The following RPTOR variants were observed in gnomAD, a reference collection of about 807,000 sequenced individuals.
RPTOR encodes regulatory associated protein of MTOR complex 1.
In RPTOR, 21 loss-of-function variants were observed where a neutral mutation model predicts 169.9. The ratio of observed to expected loss-of-function variants is 0.12; its 90% confidence interval spans 0.09 to 0.18. The LOEUF (loss-of-function observed/expected upper bound fraction) is 0.18. RPTOR is among the 10% of genes least tolerant of loss of function. The pLI is 1.00. For synonymous variants in RPTOR, 732 were observed against 753.2 expected (o/e 0.97, Z 0.46); for missense variants, 1,133 against 1,855.9 (o/e 0.61, Z 7.16).
intron 3 of RPTOR, among the ~76,000 whole-genome samples, chr17:80,704,481 C>T (rs2066127556): frequency 6.6e-6 from 1 of 152,166 alleles, no homozygotes; most frequent in Non-Finnish European, 1.5e-5. Flanking sequence ...CAGAGAATCT[C>T]AGATAGCAAA....
chr17:80,819,965 C>T (rs951385163), intron 7 of RPTOR, among the ~76,000 whole-genome samples: 1 of 152,162 alleles, frequency 6.6e-6, no homozygotes, highest in Non-Finnish European at 1.5e-5. Context: ...TGGTGTTGGG[C>T]CCCACCCTGC....
At position 80,707,918 on chromosome 17, in the gene RPTOR, G is replaced by A. The variant is rs898097735; in HGVS notation, c.426G>A (p.Lys142=). The A allele has an allele frequency of 1.2e-6, 2 of 1,613,932 alleles. No homozygotes were observed. Among genetic ancestry groups the A allele is most frequent in the Non-Finnish European group, 1.7e-6 (2 of 1,179,988 alleles). Residue 142 remains lysine, a synonymous_variant, in exon 4 of 34, where the codon AAG becomes AAA. Transcript: ENST00000306801. The surrounding 1 kb of genome is among the most constrained non-coding windows in gnomAD (Gnocchi z 5.0). ...GCACGTCCTTACGTCGCAACGCCAAGGAGGAGCGAGTCCTCTTTCACTACA... is the reference window on the plus strand; with the variant it reads ...GCACGTCCTTACGTCGCAACGCCAAAGAGGAGCGAGTCCTCTTTCACTACA... ...KLCTSLRRNA[K]EERVLFHYNG...
chr17:80,949,804 T>C (rs536784112), intron 28 of RPTOR, among the ~76,000 whole-genome samples: 55 of 152,350 alleles, frequency 3.6e-4, no homozygotes, highest in African/African-American at 1.3e-3. Flanking sequence ...CCAACCTTCA[T>C]CCTTGGCTTG....
At chr17:80,894,338 G>C (rs897056139) in intron 20 of RPTOR, among the ~76,000 whole-genome samples, 1 of 152,238 alleles carries the variant, frequency 6.6e-6, no homozygotes, top group Non-Finnish European at 1.5e-5. Context: ...CCCACACAGT[G>C]TCCGCAGTGA....
chr17:80,892,834 A>G lies in RPTOR; in HGVS notation c.2207A>G (p.Asn736Ser). 6.2e-7 allele frequency: 1 copy of G among 1,614,256 alleles called. No homozygotes were observed. The highest frequency in any genetic ancestry group is 8.5e-7 in the Non-Finnish European group (1 of 1,180,040). Residue 736 changes from asparagine (N) to serine (S), a missense_variant, in exon 19 of 34, where the codon AAC becomes AGC. Around this residue, in one of 9 missense-constraint regions of RPTOR, gnomAD observed 150 missense variants for 206.4 expected, o/e 0.73. Coordinates refer to ENST00000306801, the MANE Select transcript of RPTOR (RefSeq NM_020761.3). ...GCTGTCGCCACAGCCAGGAGCCTCA[A>G]CAAATCTTTGCAGAACCTGAGTTTG... ...IRAVATARSL[N>S]KSLQNLSLTE...
At chr17:80,869,605 G>T (rs963580262) in intron 13 of RPTOR, among the ~76,000 whole-genome samples, 1 of 152,194 alleles carries the variant, frequency 6.6e-6, no homozygotes, top group African/African-American at 2.4e-5. Flanking sequence ...ACAATTGGGA[G>T]GAATTTGACT....
chr17:80,601,141 T>C (rs545321690), intron 1 of RPTOR, among the ~76,000 whole-genome samples: 16 of 152,160 alleles, frequency 1.1e-4, no homozygotes, highest in Admixed American at 4.6e-4. Flanking sequence ...AGGAGGTGGT[T>C]TCTCATTAAC....
At chr17:80,590,858 C>G (rs1456166131) in intron 1 of RPTOR, among the ~76,000 whole-genome samples, 1 of 151,830 alleles carries the variant, frequency 6.6e-6, no homozygotes, top group African/African-American at 2.4e-5. Flanking sequence ...TATTTTTTTT[C>G]TGCCTCTGGC....
At chr17:80,715,154 T>C (rs1049472762) in intron 4 of RPTOR, among the ~76,000 whole-genome samples, 26 of 152,166 alleles carry the variant, frequency 1.7e-4, no homozygotes, top group Admixed American at 6.5e-4. Flanking sequence ...ATAGCTAAAA[T>C]GTGTTTTTTT....
In RPTOR at chr17:80,730,008, C is replaced by T. The variant is rs775868733; in HGVS notation, c.508-552C>T. On this transcript the variant is annotated intron_variant, in intron 4 of 33. Coordinates refer to ENST00000306801, the MANE Select transcript of RPTOR (RefSeq NM_020761.3). This position sits in a 1 kb window ranked among gnomAD's most constrained non-coding sequence, Gnocchi z 4.2. ...CAGCAGCTGAACCCAGCGGCAGCTG[C>T]GGAGGAGCCTGGGGCTAGGGATGAT... Among the ~76,000 whole-genome samples, 16 of 152,184 alleles carry T rather than the reference C, an allele frequency of 1.1e-4. No individual in the cohort carries two copies. Among genetic ancestry groups the T allele is most frequent in the Non-Finnish European group, 2.4e-4 (16 of 68,036 alleles).
chr17:80,862,333 C>T (rs2067926328), intron 13 of RPTOR, among the ~76,000 whole-genome samples: 1 of 152,254 alleles, frequency 6.6e-6, no homozygotes, highest in South Asian at 2.1e-4. Context: ...ACCTGCCTCG[C>T]CCTTCCTTCC....
rs900360662 is a variant in RPTOR, at chr17:80,574,322, G to A, written c.162+28531G>A. On this transcript the variant is annotated intron_variant, in intron 1 of 33. Coordinates refer to ENST00000306801, the MANE Select transcript of RPTOR (RefSeq NM_020761.3). ...TGGGACTACAGGCGCCCGCCACCGC[G>A]CCCGGCTAATTTTTTGTATTTTTTT... is the stretch of plus-strand genomic sequence containing the variant. Among the ~76,000 whole-genome samples the A allele has an allele frequency of 8.6e-5, 13 of 150,684 alleles. 1 individual carries two copies. The highest frequency in any genetic ancestry group is 2.0e-4 in the East Asian group (1 of 5,122).
chr17:80,838,139 T>C (rs1405727614), intron 10 of RPTOR, 142 bp downstream of exon 10: 2 of 639,510 alleles, frequency 3.1e-6, no homozygotes, highest in Non-Finnish European at 5.4e-6. Flanking sequence ...AAAAATGTAG[T>C]TGCCAGAGTT....
intron 18 of RPTOR, among the ~76,000 whole-genome samples, chr17:80,892,216 TCA>T (rs1598382796): frequency 6.6e-6 from 1 of 152,152 alleles, no homozygotes; most frequent in East Asian, 1.9e-4. Context: ...GCGTGCTTTC[TCA>T]CACGTGTCGT....
At chr17:80,896,899 C>T (rs140918529) in intron 20 of RPTOR, among the ~76,000 whole-genome samples, 4 of 152,298 alleles carry the variant, frequency 2.6e-5, no homozygotes, top group East Asian at 3.9e-4. Context: ...ACAGGCATGA[C>T]GTTACCTTTC....
At chr17:80,822,374 A>G (rs2067389088) in intron 8 of RPTOR, 73 bp downstream of exon 8, 15 of 1,427,340 alleles carry the variant, frequency 1.1e-5, no homozygotes, top group Non-Finnish European at 1.5e-5. Context: ...CTCGGACATG[A>G]GAGGAGTCAG....
At position 80,823,641 on chromosome 17, in the gene RPTOR, TCACA is replaced by T. The variant is rs3042670; in HGVS notation, c.1136+453_1136+456del. The T allele has an allele frequency of 0.11, 16,900 of 156,900 alleles. 967 individuals carry two copies. The highest frequency in any genetic ancestry group is 0.2 in the East Asian group (1,118 of 5,614). 9.7% of individuals were successfully genotyped at this position (156,900 alleles called of 1,614,324 possible). A position where few individuals can be genotyped will look rare whatever the true frequency, so the allele number is the denominator to read the frequency against. On this transcript the variant is annotated intron_variant, in intron 9 of 33. Coordinates refer to ENST00000306801, the MANE Select transcript of RPTOR (RefSeq NM_020761.3). The surrounding 1 kb of genome is among the most constrained non-coding windows in gnomAD (Gnocchi z 4.5). ...ATCAATTAGTTTTTATGCTTATTTC[TCACA>T]CACACACACACACACACACACACAC...
chr17:80,779,929 T>C (rs1007046249), intron 6 of RPTOR, among the ~76,000 whole-genome samples: 6 of 152,164 alleles, frequency 3.9e-5, no homozygotes, highest in African/African-American at 1.4e-4. Flanking sequence ...CCCCAGTTTT[T>C]GCGGTGGCTT....
chr17:80,868,785 A>C (rs1476737778), intron 13 of RPTOR, among the ~76,000 whole-genome samples: 1 of 152,256 alleles, frequency 6.6e-6, no homozygotes, highest in Non-Finnish European at 1.5e-5. Flanking sequence ...ATGAAATCGT[A>C]CTCAACAATG....
Sources: allele counts gnomAD v4.1 joint callset (sites outside exome capture counted in the v4.1 genomes callset), GRCh38; gene constraint gnomAD v4.1.1; regional missense constraint gnomAD v4.1.1; non-coding constraint Gnocchi (gnomAD v3.1); transcripts MANE v1.5; gene names NCBI Gene and HGNC (gene_info 2026-07-23, HGNC 2026-07-21).